ASCC3: variants seen among roughly 807,000 people sequenced by gnomAD.
The protein encoded by ASCC3 is ASC-1 complex subunit P200.
A neutral mutation model predicts 256.3 loss-of-function variants in ASCC3; 158 were observed. The observed-to-expected ratio is 0.62, with a 90% CI of 0.54 to 0.70. The LOEUF is 0.70. Ranked by LOEUF, ASCC3 falls within the 30% of genes least tolerant of loss-of-function variation. The pLI is 0.00. For synonymous variants in ASCC3, 948 were observed against 883.4 expected, an observed-to-expected ratio of 1.07 and a Z score of -1.30; for missense variants, 2,259 against 2,626.0, an observed-to-expected ratio of 0.86 and a Z score of 3.05.
chr6:100,529,825 C>T (rs1774777055), intron 37 of ASCC3, among the ~76,000 whole-genome samples: 1 of 152,036 alleles, frequency 6.6e-6, no homozygotes, highest in Admixed American at 6.6e-5. Context: ...ATCAGTAAAA[C>T]GAGAGTAATA....
intron 10 of ASCC3, among the ~76,000 whole-genome samples, chr6:100,758,800 T>C (rs1373534537): frequency 6.6e-6 from 1 of 152,194 alleles, no homozygotes; most frequent in Non-Finnish European, 1.5e-5. Flanking sequence ...TGGTTTTAGA[T>C]CCTTGAGGAA....
chr6:100,555,706 G>C (rs1327059915), intron 36 of ASCC3, among the ~76,000 whole-genome samples: 1 of 152,136 alleles, frequency 6.6e-6, no homozygotes, highest in Non-Finnish European at 1.5e-5. Flanking sequence ...ACAATGTTTA[G>C]ATATTTTCCT....
chr6:100,754,898 C>T (rs1028208208), intron 10 of ASCC3, among the ~76,000 whole-genome samples: 3 of 152,098 alleles, frequency 2.0e-5, no homozygotes, highest in African/African-American at 7.2e-5. Flanking sequence ...CCTCTGCATG[C>T]ACTCTCTTGC....
intron 10 of ASCC3, among the ~76,000 whole-genome samples, chr6:100,747,576 T>C (rs1780742906): frequency 6.6e-6 from 1 of 152,034 alleles, no homozygotes; most frequent in African/African-American, 2.4e-5. Context: ...TATTAATACA[T>C]GCAACAACAT....
chr6:100,671,754 G>GA (rs1188952883), intron 14 of ASCC3, among the ~76,000 whole-genome samples: 2 of 151,946 alleles, frequency 1.3e-5, no homozygotes, highest in African/African-American at 4.8e-5. Context: ...ACTCATGAGA[G>GA]AAAAAACACA....
At chr6:100,640,232 A>G (rs926241050) in intron 24 of ASCC3, among the ~76,000 whole-genome samples, 1 of 152,214 alleles carries the variant, frequency 6.6e-6, no homozygotes, top group African/African-American at 2.4e-5. Context: ...TAAAAAATAA[A>G]TAAATAAATA....
intron 8 of ASCC3, among the ~76,000 whole-genome samples, chr6:100,779,249 T>G (rs772422807): frequency 2.6e-4 from 40 of 152,198 alleles, no homozygotes; most frequent in Non-Finnish European, 5.1e-4. Context: ...GTGAAAAAAA[T>G]ACAAAATTAT....
chr6:100,826,611 G>T (rs1771324158), intron 4 of ASCC3, among the ~76,000 whole-genome samples: 1 of 152,066 alleles, frequency 6.6e-6, no homozygotes, highest in Admixed American at 6.6e-5. Flanking sequence ...ACACCTTTAT[G>T]CAGATTACTA....
chr6:100,596,929 T>C (rs1361708562), intron 34 of ASCC3, among the ~76,000 whole-genome samples: 1 of 152,166 alleles, frequency 6.6e-6, no homozygotes, highest in Non-Finnish European at 1.5e-5. Context: ...CATCTCCTGC[T>C]ATTTTCCTGC....
intron 11 of ASCC3, among the ~76,000 whole-genome samples, chr6:100,721,341 T>C (rs1270420738): frequency 1.3e-5 from 2 of 151,746 alleles, no homozygotes; most frequent in African/African-American, 2.4e-5. Context: ...GGTGTATGGA[T>C]TGTAATAGTA....
intron 34 of ASCC3, among the ~76,000 whole-genome samples, chr6:100,598,303 C>A (rs1332617782): frequency 6.6e-6 from 1 of 152,074 alleles, no homozygotes; most frequent in Non-Finnish European, 1.5e-5. Context: ...GACAATTTAC[C>A]CTTCTGACTT....
rs1053230582 is a variant in ASCC3, at chr6:100,877,397, G to A, written c.-42+3664C>T. ...AACCACACCTTGAAAAATGAACAGT[G>A]AATAAATATTAAACAGTGAATAAGA... On this transcript the variant is annotated intron_variant, in intron 1 of 41. Coordinates refer to ENST00000369162, the MANE Select transcript of ASCC3 (RefSeq NM_006828.4). 2.0e-5 allele frequency among the ~76,000 whole-genome samples: 3 copies of A among 152,170 alleles called. No individual in the cohort carries two copies. In the East Asian group the frequency reaches 5.8e-4, roughly 29 times the overall value.
At chr6:100,842,776 G>C (rs2114490102) in intron 4 of ASCC3, among the ~76,000 whole-genome samples, 1 of 152,220 alleles carries the variant, frequency 6.6e-6, no homozygotes, top group South Asian at 2.1e-4. Context: ...TTCATGACCA[G>C]TCAGGACAAC....
chr6:100,725,827 G>A, intron 10 of ASCC3, 124 bp from the exon 11 acceptor site: 1 of 929,106 alleles, frequency 1.1e-6, no homozygotes, highest in Non-Finnish European at 1.7e-6. Context: ...GTTTAGAATA[G>A]CCTAGAATTA....
chr6:100,583,057 T>C (rs1463740422), intron 36 of ASCC3, among the ~76,000 whole-genome samples: 2 of 152,282 alleles, frequency 1.3e-5, no homozygotes, highest in East Asian at 3.9e-4. Context: ...TCTTTTTTGG[T>C]TGTGGCTCTG....
At chr6:100,775,435 C>T (rs1026549563) in intron 8 of ASCC3, among the ~76,000 whole-genome samples, 3 of 151,946 alleles carry the variant, frequency 2.0e-5, no homozygotes, top group African/African-American at 7.3e-5. Flanking sequence ...ATAACTTACC[C>T]AAGTCTACCC....
intron 36 of ASCC3, among the ~76,000 whole-genome samples, chr6:100,567,322 T>C (rs560159942): frequency 6.6e-6 from 1 of 152,230 alleles, no homozygotes; most frequent in East Asian, 1.9e-4. Context: ...CACTAAACAG[T>C]ATGTTGTGGA....
At chr6:100,805,081 G>A (rs1343434056) in intron 5 of ASCC3, among the ~76,000 whole-genome samples, 2 of 151,988 alleles carry the variant, frequency 1.3e-5, no homozygotes, top group Non-Finnish European at 2.9e-5. Context: ...ATAAAAAGAA[G>A]AAATTGTTCT....
chr6:100,837,580 C>T (rs533631687), intron 4 of ASCC3, among the ~76,000 whole-genome samples: 1 of 152,046 alleles, frequency 6.6e-6, no homozygotes, highest in Admixed American at 6.6e-5. Flanking sequence ...TCTCTTGCAA[C>T]AACATGGATG....
Sources: gnomAD v4.1 joint callset for allele counts (sites outside exome capture counted in the v4.1 genomes callset) on GRCh38, gnomAD v4.1.1 for gene constraint, MANE v1.5 for transcripts, NCBI Gene and HGNC (gene_info 2026-07-23, HGNC 2026-07-21) for gene names.